PGM1: variants seen among roughly 807,000 people sequenced by gnomAD.
The protein encoded by PGM1 is phosphoglucomutase-1.
PGM1 carries 52 observed loss-of-function variants against 55.6 expected under a neutral mutation model. That is an observed-to-expected ratio of 0.94 (90% CI 0.75 to 1.18). The LOEUF (loss-of-function observed/expected upper bound fraction) is 1.18, where lower values mean the gene tolerates loss of function less well. PGM1 is among the 50% of genes most tolerant of loss of function. The pLI, the probability that PGM1 is intolerant of heterozygous loss-of-function variation, is 0.00. For missense variants in PGM1, 724 were observed against 729.3 expected (o/e 0.99, Z 0.08); for synonymous variants, 287 against 271.7 (o/e 1.06, Z -0.55).
Position 63,631,696 on chromosome 1 carries a change from TGAGAAGCA to T in PGM1, c.597_604del (p.Arg200LeufsTer2), listed in dbSNP as rs1253498011. On this transcript the variant is annotated frameshift_variant, in exon 4 of 11. Transcript: ENST00000371084. LOFTEE classifies it high-confidence loss of function. ...TCGGTAGAAGCTTATGCTACAATGC[TGAGAAGCA>T]TCTTTGATTTCAGTGCACTGAAAGA... 1 of 1,613,090 alleles carries T rather than the reference TGAGAAGCA, an allele frequency of 6.2e-7. No homozygotes were observed. The highest frequency in any genetic ancestry group is 1.7e-5 in the Admixed American group (1 of 60,022).
At position 63,629,549 on chromosome 1, in the gene PGM1, A is replaced by G. The variant is rs367689770; in HGVS notation, c.371A>G (p.Asn124Ser). 1.2e-4 allele frequency: 191 copies of G among 1,613,668 alleles called. 1 individual carries two copies. Among genetic ancestry groups the G allele is most frequent in the African/African-American group, 4.9e-4 (37 of 74,890 alleles). ...LTASHNPGGPNGDFGIKFNIS... is the reference protein window; with the variant it reads ...LTASHNPGGPSGDFGIKFNIS... ...GCCAGTCACAACCCAGGGGGCCCCA[A>G]TGGAGATTTTGGAATCAAATTCAAT... Residue 124 changes from asparagine (N) to serine (S), a missense_variant, in exon 2 of 11, where the codon AAT (asparagine) becomes AGT (serine). Asn to Ser is a conservative substitution (Grantham distance 46). This residue lies in a region of PGM1 where 379 missense variants were observed against 357.5 expected (regional missense o/e 1.06). Transcript: ENST00000371084.
chr1:63,628,583 A>C (rs1438558742), intron 1 of PGM1, among the ~76,000 whole-genome samples: 1 of 152,232 alleles, frequency 6.6e-6, no homozygotes, highest in Non-Finnish European at 1.5e-5. Context: ...AATGTAAAAA[A>C]ATCCCTGTTT....
chr1:63,604,569 G>A (rs1648359202), intron 1 of PGM1, among the ~76,000 whole-genome samples: 1 of 152,134 alleles, frequency 6.6e-6, no homozygotes, highest in Non-Finnish European at 1.5e-5. Context: ...TGCAAGAAGG[G>A]CTGAAAATGT....
At chr1:63,605,439 C>G (rs1028816821) in intron 1 of PGM1, among the ~76,000 whole-genome samples, 5 of 152,122 alleles carry the variant, frequency 3.3e-5, no homozygotes, top group African/African-American at 1.2e-4. Context: ...CCCTTGATTT[C>G]TCTATTACTG....
intron 7 of PGM1, among the ~76,000 whole-genome samples, chr1:63,641,229 C>T (rs1426119571): frequency 6.6e-6 from 1 of 152,210 alleles, no homozygotes; most frequent in Non-Finnish European, 1.5e-5. Context: ...TGGTATATTT[C>T]ATGTCCAAAG....
rs1318778351 is a variant in PGM1, at chr1:63,630,089, G to C, written c.556+1G>C. 6.2e-7 allele frequency: 1 copy of C among 1,613,846 alleles called. No individual in the cohort carries two copies. Among genetic ancestry groups the C allele is most frequent in the Non-Finnish European group, 8.5e-7 (1 of 1,179,744 alleles). ...GAAAATAAGTTCAAACCCTTCACAG[G>C]CATGTTTACTTTCCTCCTCTTTCTG... On this transcript the variant is annotated splice_donor_variant, in intron 3 of 10. Coordinates refer to ENST00000371084, the MANE Select transcript of PGM1 (RefSeq NM_002633.3). LOFTEE classifies it high-confidence loss of function.
chr1:63,621,402 A>G (rs1648875399), intron 1 of PGM1, among the ~76,000 whole-genome samples: 1 of 152,160 alleles, frequency 6.6e-6, no homozygotes, highest in Non-Finnish European at 1.5e-5. Flanking sequence ...TCATTAAGAA[A>G]ACTACCAATT....
intron 1 of PGM1, among the ~76,000 whole-genome samples, chr1:63,610,883 A>G (rs935102476): frequency 2.0e-5 from 3 of 152,134 alleles, no homozygotes; most frequent in Non-Finnish European, 4.4e-5. Flanking sequence ...AGTAAGCAAA[A>G]TTGATCCTGA....
intron 1 of PGM1, among the ~76,000 whole-genome samples, chr1:63,622,166 G>A (rs142144511): frequency 1.6e-4 from 24 of 152,024 alleles, no homozygotes; most frequent in African/African-American, 5.8e-4. Flanking sequence ...CTGTGACTAC[G>A]GGTGCACGCC....
At chr1:63,633,866 C>CTCTGTG (rs1649265194) in intron 4 of PGM1, among the ~76,000 whole-genome samples, 1 of 73,408 alleles carries the variant, frequency 1.4e-5, no homozygotes, top group Non-Finnish European at 2.5e-5. Flanking sequence ...GTCTGTGTCT[C>CTCTGTG]TGTGTGTGTG....
intron 1 of PGM1, 26 bp from the exon 2 acceptor site, chr1:63,629,399 A>C: frequency 6.2e-7 from 1 of 1,606,718 alleles, no homozygotes; most frequent in Non-Finnish European, 8.5e-7. Context: ...GATGTTAAAG[A>C]GTGTGTTCTG....
At chr1:63,643,304 G>A (rs962698968) in intron 7 of PGM1, among the ~76,000 whole-genome samples, 15 of 152,192 alleles carry the variant, frequency 9.9e-5, no homozygotes, top group African/African-American at 3.4e-4. Flanking sequence ...CAGGGGATAC[G>A]CCTTGTGCAT....
rs748231449 is a variant in PGM1 at position 63,629,990 on chromosome 1, C to A, written c.458C>A (p.Thr153Lys). 2.5e-6 allele frequency: 4 copies of A among 1,613,978 alleles called. No individual in the cohort carries two copies. In the South Asian group the frequency reaches 4.4e-5, roughly 18 times the overall value. Residue 153 changes from threonine to lysine, a missense_variant, in exon 3 of 11, where the codon ACA becomes AAA. Physicochemically the swap from Thr to Lys is moderately conservative, Grantham distance 78 (BLOSUM62 -1). This residue lies in a region of PGM1 where 379 missense variants were observed against 357.5 expected (regional missense o/e 1.06). Transcript: ENST00000371084. Reference protein sequence around the residue: ...ITDKIFQISKTIEEYAVCPDL... With the variant: ...ITDKIFQISKKIEEYAVCPDL... ...GATAAAATTTTCCAAATCAGCAAGACAATTGAAGAATATGCAGTTTGCCCT... is the reference window on the plus strand; with the variant it reads ...GATAAAATTTTCCAAATCAGCAAGAAAATTGAAGAATATGCAGTTTGCCCT...
At chr1:63,594,194 C>A in intron 1 of PGM1, 1 of 893,532 alleles carries the variant, frequency 1.1e-6, no homozygotes, top group Non-Finnish European at 1.3e-6. Context: ...CCGCCCGCTC[C>A]TCTGCTATTC....
chr1:63,630,119 C>G, intron 3 of PGM1, 31 bp downstream of exon 3: 1 of 1,608,296 alleles, frequency 6.2e-7, no homozygotes, highest in East Asian at 2.2e-5. Flanking sequence ...TTTCTGCCCA[C>G]TCCTATTTCC....
intron 4 of PGM1, among the ~76,000 whole-genome samples, chr1:63,632,271 G>A (rs72681119): frequency 0.017 from 2,660 of 152,216 alleles, 37 homozygotes; most frequent in South Asian, 0.045. Context: ...TTCTTCCTCC[G>A]TGGGTTGTGT....
intron 1 of PGM1, among the ~76,000 whole-genome samples, chr1:63,616,960 A>G (rs1042962574): frequency 6.6e-6 from 1 of 152,212 alleles, no homozygotes; most frequent in Non-Finnish European, 1.5e-5. Context: ...GCTAAAGGCT[A>G]ATACTTACGC....
At chr1:63,640,377 A>G (rs76900275) in intron 7 of PGM1, among the ~76,000 whole-genome samples, 2,373 of 152,308 alleles carry the variant, frequency 0.016, 70 homozygotes, top group African/African-American at 0.055. Context: ...AATTGGAAAA[A>G]TTGGACCACA....
chr1:63,596,122 T>C (rs983932479), intron 1 of PGM1, among the ~76,000 whole-genome samples: 2 of 152,166 alleles, frequency 1.3e-5, no homozygotes, highest in Non-Finnish European at 2.9e-5. Flanking sequence ...TTTGTACTCT[T>C]GTAAAGTTCT....
Sources: allele counts gnomAD v4.1 joint callset (sites outside exome capture counted in the v4.1 genomes callset), GRCh38; gene constraint gnomAD v4.1.1; regional missense constraint gnomAD v4.1.1; transcripts MANE v1.5; gene names NCBI Gene and HGNC (gene_info 2026-07-23, HGNC 2026-07-21).